Variants in STX8 observed in about 807,000 individuals in gnomAD.
STX8 encodes syntaxin 8.
STX8 carries 23 observed loss-of-function variants against 37.5 expected under a neutral mutation model. The ratio of observed to expected loss-of-function variants is 0.61; its 90% CI spans 0.44 to 0.87. The LOEUF (loss-of-function observed/expected upper bound fraction) is 0.87, where lower values mean the gene tolerates loss of function less well. Ranked by LOEUF, STX8 falls within the 40% of genes least tolerant of loss-of-function variation. STX8 has a pLI of 0.00. For missense variants in STX8, 313 were observed against 284.7 expected, an observed-to-expected ratio of 1.10 and a Z score of -0.71; for synonymous variants, 115 against 99.1, an observed-to-expected ratio of 1.16 and a Z score of -0.95.
At chr17:9,262,468 C>A (rs1225833608) in intron 7 of STX8, among the ~76,000 whole-genome samples, 1 of 152,230 alleles carries the variant, frequency 6.6e-6, no homozygotes, top group Non-Finnish European at 1.5e-5. Context: ...TGTCTTTATA[C>A]TTGGTTGGCT....
At chr17:9,495,418 A>G (rs532308357) in intron 5 of STX8, among the ~76,000 whole-genome samples, 11 of 152,326 alleles carry the variant, frequency 7.2e-5, no homozygotes, top group African/African-American at 2.6e-4. Flanking sequence ...GTTGAGTGTC[A>G]ACGTGGATTA....
intron 7 of STX8, among the ~76,000 whole-genome samples, chr17:9,262,569 T>G (rs931347459): frequency 6.7e-6 from 1 of 149,842 alleles, no homozygotes; most frequent in Admixed American, 6.6e-5. Flanking sequence ...TTTTTTGTTT[T>G]TTTTGTTTTG....
At chr17:9,377,717 A>T (rs760029938) in intron 7 of STX8, among the ~76,000 whole-genome samples, 1 of 152,092 alleles carries the variant, frequency 6.6e-6, no homozygotes, top group Non-Finnish European at 1.5e-5. Context: ...AGGTCTTGCT[A>T]TGTTGCCCAG....
At chr17:9,255,681 G>C (rs998787153) in intron 7 of STX8, among the ~76,000 whole-genome samples, 4 of 152,140 alleles carry the variant, frequency 2.6e-5, no homozygotes, top group African/African-American at 9.7e-5. Context: ...AGGATTTTAG[G>C]AGCCATGACA....
At chr17:9,525,320 T>C (rs935288450) in intron 4 of STX8, among the ~76,000 whole-genome samples, 6 of 151,634 alleles carry the variant, frequency 4.0e-5, no homozygotes, top group Non-Finnish European at 7.4e-5. Context: ...CTCCCCCCAC[T>C]GCCCACATTG....
intron 7 of STX8, among the ~76,000 whole-genome samples, chr17:9,281,010 G>A (rs559497598): frequency 1.3e-5 from 2 of 152,310 alleles, no homozygotes; most frequent in South Asian, 4.1e-4. Context: ...AGGGCCCTAG[G>A]TGTGACAAGG....
rs532555720 is a variant in STX8, at chr17:9,296,750, A to G, written c.644-46105T>C. Among the ~76,000 whole-genome samples the G allele has an allele frequency of 2.0e-5, 3 of 152,232 alleles. No individual in the cohort carries two copies. In the East Asian group the frequency reaches 5.8e-4, roughly 29 times the overall value. ...CAGTTATTTGTAGTAACCGCTTGCCATGCAGTATGATTTTAATTATACTTA... is the reference window on the plus strand; with the variant it reads ...CAGTTATTTGTAGTAACCGCTTGCCGTGCAGTATGATTTTAATTATACTTA... On this transcript the variant is annotated intron_variant, in intron 7 of 7. Transcript: ENST00000306357.
chr17:9,278,814 A>G (rs1202354448), intron 7 of STX8, among the ~76,000 whole-genome samples: 1 of 151,892 alleles, frequency 6.6e-6, no homozygotes, highest in Non-Finnish European at 1.5e-5. Context: ...TGCAGGGGGT[A>G]CCGTGAGTAT....
chr17:9,471,151 CTTTTTTTT>C (rs34907512), intron 6 of STX8, among the ~76,000 whole-genome samples: 4 of 51,280 alleles, frequency 7.8e-5, no homozygotes, highest in African/African-American at 2.9e-4. Context: ...CCGCACCCTG[CTTTTTTTT>C]TTTTTTTTTT....
chr17:9,270,477 A>T (rs1907414927), intron 7 of STX8, among the ~76,000 whole-genome samples: 2 of 151,604 alleles, frequency 1.3e-5, no homozygotes, highest in Admixed American at 1.3e-4. Context: ...GAATGGTCTG[A>T]TCTCCTGACC....
At chr17:9,505,244 C>A in intron 4 of STX8, 82 bp from the exon 5 acceptor site, 2 of 1,506,908 alleles carry the variant, frequency 1.3e-6, no homozygotes, top group Non-Finnish European at 9.0e-7. Flanking sequence ...CAGAGGTGGC[C>A]AGCCTTGAAT....
chr17:9,471,745 G>A (rs780640233), intron 6 of STX8, among the ~76,000 whole-genome samples: 13 of 152,122 alleles, frequency 8.5e-5, no homozygotes, highest in Non-Finnish European at 1.6e-4. Flanking sequence ...ACAACTCATC[G>A]TTGGGGTAAT....
chr17:9,269,342 G>A (rs996479095), intron 7 of STX8, among the ~76,000 whole-genome samples: 4 of 152,302 alleles, frequency 2.6e-5, no homozygotes, highest in East Asian at 3.9e-4. Context: ...ACGCTCCAGC[G>A]TAAGGGCTTA....
chr17:9,399,607 T>C (rs1448838750), intron 6 of STX8, among the ~76,000 whole-genome samples: 1 of 152,116 alleles, frequency 6.6e-6, no homozygotes, highest in Non-Finnish European at 1.5e-5. Context: ...GGCTCACACC[T>C]GTAGTCCCAG....
At chr17:9,323,885 G>A (rs1909658851) in intron 7 of STX8, among the ~76,000 whole-genome samples, 1 of 152,118 alleles carries the variant, frequency 6.6e-6, no homozygotes, top group Non-Finnish European at 1.5e-5. Flanking sequence ...AGAAGAATGG[G>A]AATGCACGCA....
rs149877432 is a variant in STX8, at chr17:9,281,770, T to C, written c.644-31125A>G. On this transcript the variant is annotated intron_variant, in intron 7 of 7. Coordinates refer to ENST00000306357, the MANE Select transcript of STX8 (RefSeq NM_004853.3). Reference sequence around the variant, plus strand: ...CCAACATGGTGAAACCCCATCTCTATTAAAAATACAAAAATCAGCCAGGTG... The same window carrying C: ...CCAACATGGTGAAACCCCATCTCTACTAAAAATACAAAAATCAGCCAGGTG... Among the ~76,000 whole-genome samples, 889 of 152,202 alleles carry C rather than the reference T, an allele frequency of 5.8e-3. 8 individuals carry two copies. Among genetic ancestry groups the C allele is most frequent in the African/African-American group, 0.02 (823 of 41,514 alleles).
chr17:9,273,292 G>A (rs1173906146), intron 7 of STX8: 1 of 152,250 alleles, frequency 6.6e-6, no homozygotes, highest in Non-Finnish European at 1.5e-5. Context: ...GAGAGCAACT[G>A]GAGCCCAATT....
intron 6 of STX8, among the ~76,000 whole-genome samples, chr17:9,450,401 C>A (rs1905002519): frequency 6.6e-6 from 1 of 151,788 alleles, no homozygotes; most frequent in Non-Finnish European, 1.5e-5. Context: ...ACTAAATAAA[C>A]CTCACACTAA....
At chr17:9,551,936 C>T (rs891233402) in intron 3 of STX8, among the ~76,000 whole-genome samples, 2 of 151,366 alleles carry the variant, frequency 1.3e-5, no homozygotes, top group African/African-American at 4.9e-5. Flanking sequence ...ATACATTTTG[C>T]CAGGTATGGA....
Sources: gnomAD v4.1 joint callset for allele counts (sites outside exome capture counted in the v4.1 genomes callset) on GRCh38, gnomAD v4.1.1 for gene constraint, MANE v1.5 for transcripts, NCBI Gene and HGNC (gene_info 2026-07-23, HGNC 2026-07-21) for gene names.